The following KCND2 variants were observed in gnomAD, a reference collection of about 807,000 sequenced individuals.
KCND2 encodes the protein potassium voltage-gated channel subfamily D member 2, also known as A-type voltage-gated potassium channel KCND2.
A neutral mutation model predicts 54.4 loss-of-function variants in KCND2; 16 were observed. The ratio of observed to expected loss-of-function variants is 0.29; its 90% CI spans 0.20 to 0.45. The LOEUF (loss-of-function observed/expected upper bound fraction) is 0.45. KCND2 is among the 20% of genes least tolerant of loss of function. The probability of loss-of-function intolerance (pLI) is 1.00; values close to 1 mark genes in which losing one functional copy is unlikely to be tolerated. For missense variants in KCND2, 486 were observed against 824.2 expected, an observed-to-expected ratio of 0.59 and a Z score of 5.02; for synonymous variants, 317 against 310.7, an observed-to-expected ratio of 1.02 and a Z score of -0.21.
chr7:120,323,488 C>T (rs1002340394), intron 1 of KCND2, among the ~76,000 whole-genome samples: 1 of 150,842 alleles, frequency 6.6e-6, no homozygotes, highest in African/African-American at 2.5e-5. Context: ...GTGATGTTCC[C>T]CTTCCTGTGT....
chr7:120,532,430 T>C (rs1791854192), intron 1 of KCND2, among the ~76,000 whole-genome samples: 1 of 151,892 alleles, frequency 6.6e-6, no homozygotes, highest in Non-Finnish European at 1.5e-5. Context: ...ATATAATTGC[T>C]AGTATAACAT....
intron 1 of KCND2, among the ~76,000 whole-genome samples, chr7:120,625,422 A>C (rs1439691324): frequency 1.3e-5 from 2 of 152,210 alleles, no homozygotes; most frequent in Non-Finnish European, 2.9e-5. Context: ...CAAATGCAAA[A>C]TAATGTATTT....
At chr7:120,630,712 C>T (rs565294013) in intron 1 of KCND2, among the ~76,000 whole-genome samples, 104 of 152,200 alleles carry the variant, frequency 6.8e-4, no homozygotes, top group African/African-American at 2.4e-3. Flanking sequence ...TGATATCTCG[C>T]TTAAAAGGTA....
rs568127881 is a variant in KCND2, at chr7:120,341,990, C to G, written c.1115+66243C>G. Among the ~76,000 whole-genome samples the G allele has an allele frequency of 1.1e-3, 170 of 152,188 alleles. 1 individual carries two copies. Among genetic ancestry groups the G allele is most frequent in the African/African-American group, 3.9e-3 (162 of 41,538 alleles). On this transcript the variant is annotated intron_variant, in intron 1 of 5. Coordinates refer to ENST00000331113, the MANE Select transcript of KCND2 (RefSeq NM_012281.3). ...TGGCCGTGTGTCAATGTGATCCCAT[C>G]TCATGTGATTTTTAAAACTGTATTA...
At chr7:120,745,720 G>C in intron 4 of KCND2, 60 bp from the exon 5 acceptor site, 1 of 1,562,272 alleles carries the variant, frequency 6.4e-7, no homozygotes, top group Non-Finnish European at 8.8e-7. Flanking sequence ...ATAAAGCTAT[G>C]TATTTCGTTT....
chr7:120,457,634 C>T (rs1376794646), intron 1 of KCND2, among the ~76,000 whole-genome samples: 1 of 152,312 alleles, frequency 6.6e-6, no homozygotes, highest in Non-Finnish European at 1.5e-5. Flanking sequence ...CAGCAAGTCT[C>T]TAGGAAGTCC....
chr7:120,685,775 G>C (rs1792194362), intron 1 of KCND2, among the ~76,000 whole-genome samples: 1 of 152,164 alleles, frequency 6.6e-6, no homozygotes, highest in African/African-American at 2.4e-5. Context: ...GGAACATTCT[G>C]ACAAAGACAA....
intron 1 of KCND2, among the ~76,000 whole-genome samples, chr7:120,371,287 G>C (rs1220466650): frequency 1.3e-5 from 2 of 151,956 alleles, no homozygotes; most frequent in Non-Finnish European, 2.9e-5. Context: ...AGTAGATTCT[G>C]ATCTACCACA....
intron 1 of KCND2, among the ~76,000 whole-genome samples, chr7:120,556,696 G>T (rs780648506): frequency 2.0e-5 from 3 of 152,074 alleles, no homozygotes; most frequent in Admixed American, 6.6e-5. Context: ...TGTGAAGAGA[G>T]AGTATTTATT....
At chr7:120,509,094 T>C (rs1584806940) in intron 1 of KCND2, among the ~76,000 whole-genome samples, 1 of 152,120 alleles carries the variant, frequency 6.6e-6, no homozygotes, top group Middle Eastern at 3.4e-3. Flanking sequence ...TAGACTATAT[T>C]AATTTAAAAC....
intron 1 of KCND2, among the ~76,000 whole-genome samples, chr7:120,661,104 T>C (rs1791860214): frequency 6.6e-6 from 1 of 152,140 alleles, no homozygotes; most frequent in East Asian, 1.9e-4. Flanking sequence ...AGGGTTGATA[T>C]CTCAAGCTAA....
chr7:120,585,393 T>C (rs898851263), intron 1 of KCND2, among the ~76,000 whole-genome samples: 2 of 152,060 alleles, frequency 1.3e-5, no homozygotes, highest in African/African-American at 2.4e-5. Context: ...ATGGTCTGAT[T>C]TGAAATTCTT....
intron 1 of KCND2, among the ~76,000 whole-genome samples, chr7:120,344,617 C>T (rs1800287587): frequency 6.6e-6 from 1 of 152,062 alleles, no homozygotes; most frequent in African/African-American, 2.4e-5. Flanking sequence ...TAGAGGTAAA[C>T]TTTTATTTAG....
At chr7:120,565,639 A>G (rs1038223174) in intron 1 of KCND2, among the ~76,000 whole-genome samples, 2 of 152,224 alleles carry the variant, frequency 1.3e-5, no homozygotes, top group African/African-American at 2.4e-5. Flanking sequence ...TTCTCTGGAC[A>G]CAGAGATTCC....
At position 120,498,368 on chromosome 7, in the gene KCND2, T is replaced by C. The variant is rs552109683; in HGVS notation, c.1115+222621T>C. Among the ~76,000 whole-genome samples the C allele has an allele frequency of 1.5e-3, 225 of 150,796 alleles. 1 individual carries two copies. Among genetic ancestry groups the C allele is most frequent in the Middle Eastern group, 6.8e-3 (2 of 294 alleles). On this transcript the variant is annotated intron_variant, in intron 1 of 5. Coordinates refer to ENST00000331113, the MANE Select transcript of KCND2 (RefSeq NM_012281.3). ...GGTGGCATGCACCTGTTTTCCCAGCTACTCAGGATGCTGAGGCAGGAGAAT... is the reference window on the plus strand; with the variant it reads ...GGTGGCATGCACCTGTTTTCCCAGCCACTCAGGATGCTGAGGCAGGAGAAT...
intron 1 of KCND2, among the ~76,000 whole-genome samples, chr7:120,401,252 C>T (rs570985231): frequency 4.6e-5 from 7 of 152,176 alleles, no homozygotes; most frequent in African/African-American, 1.4e-4. Context: ...CATCAAAAAA[C>T]GGCCTGAGTG....
rs186884475 is a variant in KCND2 at position 120,335,223 on chromosome 7, C to T, written c.1115+59476C>T. ...ACTAAAAATACAAAAATTAGCTGGG[C>T]GTGGTAGTGCATGCCTGTAGTCCTA... is the stretch of plus-strand genomic sequence containing the variant. On this transcript the variant is annotated intron_variant, in intron 1 of 5. Coordinates refer to ENST00000331113, the MANE Select transcript of KCND2 (RefSeq NM_012281.3). Among the ~76,000 whole-genome samples the T allele has an allele frequency of 4.9e-4, 74 of 151,482 alleles. 1 individual carries two copies. The East Asian group carries it at 0.012, about 25-fold the overall frequency.
chr7:120,662,779 A>G (rs970398124), intron 1 of KCND2, among the ~76,000 whole-genome samples: 4 of 152,232 alleles, frequency 2.6e-5, no homozygotes, highest in African/African-American at 9.6e-5. Context: ...AAAGCTGGAA[A>G]GTGAGGATGG....
chr7:120,459,657 C>T (rs1024567505), intron 1 of KCND2, among the ~76,000 whole-genome samples: 1 of 152,250 alleles, frequency 6.6e-6, no homozygotes, highest in Non-Finnish European at 1.5e-5. Flanking sequence ...TCACAACTAT[C>T]GTCAAATAAA....
Sources: allele counts gnomAD v4.1 joint callset (sites outside exome capture counted in the v4.1 genomes callset), GRCh38; gene constraint gnomAD v4.1.1; transcripts MANE v1.5; gene names NCBI Gene and HGNC (gene_info 2026-07-23, HGNC 2026-07-21).